Variants in SEMA6A observed in about 807,000 individuals in gnomAD.
The protein encoded by SEMA6A is semaphorin 6A.
SEMA6A carries 25 observed loss-of-function variants against 96.8 expected under a neutral mutation model. The ratio of observed to expected loss-of-function variants is 0.26; its 90% CI spans 0.19 to 0.36. The LOEUF (loss-of-function observed/expected upper bound fraction) is 0.36. Ranked by LOEUF, SEMA6A falls within the 10% of genes least tolerant of loss-of-function variation. The pLI is 1.00. For synonymous variants in SEMA6A, 612 were observed against 518.0 expected, an observed-to-expected ratio of 1.18 and a Z score of -2.46; for missense variants, 1,363 against 1,323.1, an observed-to-expected ratio of 1.03 and a Z score of -0.47.
At chr5:116,561,860 A>G (rs1760829535) in intron 1 of SEMA6A, among the ~76,000 whole-genome samples, 1 of 152,198 alleles carries the variant, frequency 6.6e-6, no homozygotes, top group Non-Finnish European at 1.5e-5. Flanking sequence ...CAGCATATTC[A>G]ACATGTTGAA....
At position 116,519,664 on chromosome 5, in the gene SEMA6A, TACAC is replaced by T. The variant is rs72233200; in HGVS notation, c.-38-14686_-38-14683del. Among the ~76,000 whole-genome samples the T allele has an allele frequency of 1.9e-3, 283 of 146,978 alleles. 2 individuals carry two copies. Among genetic ancestry groups the T allele is most frequent in the Admixed American group, 6.6e-3 (98 of 14,822 alleles). ...TAAGTGGCTATAACGATGCTGTGTG[TACAC>T]ACACACACACACACACACACACACG... is the stretch of plus-strand genomic sequence containing the variant. On this transcript the variant is annotated intron_variant, in intron 1 of 18. Coordinates refer to ENST00000343348, the MANE Select transcript of SEMA6A (RefSeq NM_020796.5).
intron 16 of SEMA6A, among the ~76,000 whole-genome samples, chr5:116,474,904 C>A (rs897870931): frequency 2.6e-5 from 4 of 152,158 alleles, no homozygotes; most frequent in Non-Finnish European, 5.9e-5. Context: ...GGTCACATGA[C>A]AACTGGGCAG....
chr5:116,475,964 A>G (rs1181215513), intron 15 of SEMA6A, among the ~76,000 whole-genome samples: 1 of 152,242 alleles, frequency 6.6e-6, no homozygotes, highest in Non-Finnish European at 1.5e-5. Context: ...TCTATAAATT[A>G]AAAAGAAAAA....
intron 1 of SEMA6A, chr5:116,562,714 C>CT (rs1247693894): frequency 1.4e-6 from 1 of 732,658 alleles, no homozygotes; most frequent in Non-Finnish European, 2.6e-6. Flanking sequence ...GCAAAGAAAC[C>CT]CTCTGCCGTG....
intron 18 of SEMA6A, among the ~76,000 whole-genome samples, chr5:116,452,252 T>C (rs939816507): frequency 6.6e-6 from 1 of 152,188 alleles, no homozygotes; most frequent in African/African-American, 2.4e-5. Flanking sequence ...ATTTGAAAAA[T>C]CCTTTGCATT....
intron 2 of SEMA6A, among the ~76,000 whole-genome samples, chr5:116,503,404 A>G (rs541974698): frequency 1.8e-4 from 27 of 152,240 alleles, no homozygotes; most frequent in African/African-American, 6.0e-4. Flanking sequence ...TTGAAATTTC[A>G]TGTACCCATT....
At chr5:116,507,460 C>T (rs1758191470) in intron 1 of SEMA6A, among the ~76,000 whole-genome samples, 1 of 152,150 alleles carries the variant, frequency 6.6e-6, no homozygotes, top group Non-Finnish European at 1.5e-5. Context: ...TCTCAGGATT[C>T]CTAAGATGAC....
rs182078193 is a variant in SEMA6A at position 116,458,272 on chromosome 5, A to G, written c.1894+9311T>C. Reference sequence around the variant, plus strand: ...GTGCCGTTGAACCAATTAAAGAGCAAATTTTTAACCACTCCAGATGTTCTG... The same window carrying G: ...GTGCCGTTGAACCAATTAAAGAGCAGATTTTTAACCACTCCAGATGTTCTG... On this transcript the variant is annotated intron_variant, in intron 18 of 18. Coordinates refer to ENST00000343348, the MANE Select transcript of SEMA6A (RefSeq NM_020796.5). Among the ~76,000 whole-genome samples, 41 of 152,288 alleles carry G rather than the reference A, an allele frequency of 2.7e-4. No individual in the cohort carries two copies. The East Asian group carries it at 7.1e-3, about 27-fold the overall frequency.
At chr5:116,564,948 A>G (rs1669733648) in intron 1 of SEMA6A, among the ~76,000 whole-genome samples, 1 of 152,208 alleles carries the variant, frequency 6.6e-6, no homozygotes, top group African/African-American at 2.4e-5. Flanking sequence ...CACAGCAATC[A>G]TGATGTCATT....
intron 1 of SEMA6A, among the ~76,000 whole-genome samples, chr5:116,542,733 A>G (rs1760025170): frequency 6.6e-6 from 1 of 152,220 alleles, no homozygotes; most frequent in Non-Finnish European, 1.5e-5. Flanking sequence ...ACCCTGGTCA[A>G]GCTAGTTTCT....
At chr5:116,534,159 CAA>C (rs895808515) in intron 1 of SEMA6A, among the ~76,000 whole-genome samples, 6 of 152,204 alleles carry the variant, frequency 3.9e-5, no homozygotes, top group Non-Finnish European at 8.8e-5. Context: ...AAACTACTTT[CAA>C]AAAGGCAATC....
chr5:116,531,555 C>T (rs1407240991), intron 1 of SEMA6A, among the ~76,000 whole-genome samples: 1 of 152,090 alleles, frequency 6.6e-6, no homozygotes, highest in Non-Finnish European at 1.5e-5. Flanking sequence ...CCATCCCTTG[C>T]TCCTGTTAGA....
intron 1 of SEMA6A, chr5:116,562,627 C>A: frequency 1.5e-6 from 1 of 688,092 alleles, no homozygotes; most frequent in Non-Finnish European, 2.7e-6. Context: ...AGGTGGCTGA[C>A]GGAGAAAACA....
intron 1 of SEMA6A, among the ~76,000 whole-genome samples, chr5:116,535,814 CAA>C (rs1759683321): frequency 6.6e-6 from 1 of 152,232 alleles, no homozygotes; most frequent in African/African-American, 2.4e-5. Context: ...GATTTTTCAA[CAA>C]TTCAGATTTT....
At chr5:116,495,239 A>G (rs918064977) in intron 6 of SEMA6A, among the ~76,000 whole-genome samples, 174 bp downstream of exon 6, 1 of 152,252 alleles carries the variant, frequency 6.6e-6, no homozygotes, top group African/African-American at 2.4e-5. Flanking sequence ...CTGAACAAAC[A>G]GGAAGCTTAG....
rs187969448 is a variant in SEMA6A at position 116,520,530 on chromosome 5, G to A, written c.-38-15548C>T. On this transcript the variant is annotated intron_variant, in intron 1 of 18. Coordinates refer to ENST00000343348, the MANE Select transcript of SEMA6A (RefSeq NM_020796.5). ...AAATCAGTACTAAAACAAGGAAAAG[G>A]GGAGATGCAAGGGGCAGAGACTGGC... 1.1e-4 allele frequency among the ~76,000 whole-genome samples: 16 copies of A among 152,256 alleles called. No individual in the cohort carries two copies. In the East Asian group the frequency reaches 2.7e-3, roughly 26 times the overall value.
chr5:116,548,671 C>T (rs985332916), intron 1 of SEMA6A, among the ~76,000 whole-genome samples: 3 of 152,164 alleles, frequency 2.0e-5, no homozygotes, highest in African/African-American at 2.4e-5. Context: ...CAAGGAACAA[C>T]TGCCCACAGA....
Position 116,538,213 on chromosome 5 carries a change from C to CA in SEMA6A, c.-38-33232dup, listed in dbSNP as rs1422297932. Among the ~76,000 whole-genome samples the CA allele has an allele frequency of 2.6e-5, 4 of 151,770 alleles. No homozygotes were observed. The East Asian group carries it at 7.7e-4, about 29-fold the overall frequency. On this transcript the variant is annotated intron_variant, in intron 1 of 18. Transcript: ENST00000343348. ...ACAAAACAAAACAAAACAAAACACA[C>CA]AAAAAAAACTTGGACCAAATACTTT... is the stretch of plus-strand genomic sequence containing the variant.
In SEMA6A at chr5:116,477,864, T is replaced by G. The variant is rs771486999; in HGVS notation, c.1631A>C (p.His544Pro). 2 of 1,613,906 alleles carry G rather than the reference T, an allele frequency of 1.2e-6. No homozygotes were observed. The highest frequency in any genetic ancestry group is 2.2e-5 in the South Asian group (2 of 91,080). Residue 544 changes from histidine to proline, a missense_variant, in exon 15 of 19, where the codon CAT (histidine) becomes CCT (proline). Transcript: ENST00000343348. ...TGCCTACCTGCTGTTGGGTGATAAA[T>G]GGCTGCAGGCACCACCTTCCTTTAT... Reference protein sequence around the residue: ...GWIKEGGACSHLSPNSRLTFE... With the variant: ...GWIKEGGACSPLSPNSRLTFE...
Sources: allele counts gnomAD v4.1 joint callset (sites outside exome capture counted in the v4.1 genomes callset), GRCh38; gene constraint gnomAD v4.1.1; transcripts MANE v1.5; gene names NCBI Gene and HGNC (gene_info 2026-07-23, HGNC 2026-07-21).